BCAS3: variants seen among roughly 807,000 people sequenced by gnomAD.
The protein encoded by BCAS3 is BCAS4/BCAS3 fusion.
Under a neutral mutation model 116.1 loss-of-function variants are expected in BCAS3, and 53 were observed. The observed-to-expected ratio is 0.46, with a 90% CI of 0.37 to 0.57. BCAS3 has a LOEUF of 0.57. Among genes scored for constraint, BCAS3 ranks in the 20% least tolerant of loss-of-function variants. The pLI, the probability that BCAS3 is intolerant of heterozygous loss-of-function variation, is 0.00. For missense variants in BCAS3, 917 were observed against 1,165.4 expected, an observed-to-expected ratio of 0.79 and a Z score of 3.10; for synonymous variants, 391 against 408.2, an observed-to-expected ratio of 0.96 and a Z score of 0.51.
Position 61,083,980 on chromosome 17 carries a change from A to G in BCAS3, c.2328-487A>G, listed in dbSNP as rs971283819. ...TGTTATCCTATGCTTACTGTCAGATATAAAGTAACTTTCATTGAGCATTTT... is the reference window on the plus strand; with the variant it reads ...TGTTATCCTATGCTTACTGTCAGATGTAAAGTAACTTTCATTGAGCATTTT... On this transcript the variant is annotated intron_variant, in intron 21 of 23. Coordinates refer to ENST00000407086, the MANE Select transcript of BCAS3 (RefSeq NM_017679.5). This position sits in a 1 kb window ranked among gnomAD's most constrained non-coding sequence, Gnocchi z 4.9. Among the ~76,000 whole-genome samples, 1 of 152,190 alleles carries G rather than the reference A, an allele frequency of 6.6e-6. No individual in the cohort carries two copies. The highest frequency in any genetic ancestry group is 1.5e-5 in the Non-Finnish European group (1 of 68,030).
At chr17:60,690,324 C>G (rs576899652) in intron 4 of BCAS3, among the ~76,000 whole-genome samples, 18 of 152,240 alleles carry the variant, frequency 1.2e-4, no homozygotes, top group Admixed American at 5.2e-4. Flanking sequence ...AATCCCAGCA[C>G]TTTGGGAGGT....
intron 14 of BCAS3, among the ~76,000 whole-genome samples, chr17:60,976,901 A>T (rs1221537356): frequency 6.6e-6 from 1 of 152,090 alleles, no homozygotes; most frequent in African/African-American, 2.4e-5. Flanking sequence ...CCCCTTTTCT[A>T]TTCGACAAAA....
In BCAS3 at chr17:61,116,214, G is replaced by A. The variant is rs868676423; in HGVS notation, c.2425+31650G>A. Among the ~76,000 whole-genome samples the A allele has an allele frequency of 2.9e-3, 439 of 151,472 alleles. 1 individual carries two copies. Among genetic ancestry groups the A allele is most frequent in the African/African-American group, 8.5e-3 (352 of 41,272 alleles). On this transcript the variant is annotated intron_variant, in intron 22 of 23. Coordinates refer to ENST00000407086, the MANE Select transcript of BCAS3 (RefSeq NM_017679.5). The stretch of plus-strand genomic sequence containing the variant: ...TATGTAACTAACCTGCACAATGTGC[G>A]CATGTACCCTAAAACTTAAAGTATA...
chr17:60,743,972 A>C (rs1003117103), intron 5 of BCAS3, among the ~76,000 whole-genome samples: 1 of 152,198 alleles, frequency 6.6e-6, no homozygotes, highest in African/African-American at 2.4e-5. Flanking sequence ...AGTGTGAACA[A>C]ATCATTCTTT....
intron 22 of BCAS3, among the ~76,000 whole-genome samples, chr17:61,103,535 G>C (rs551144618): frequency 6.6e-6 from 1 of 152,210 alleles, no homozygotes; most frequent in Admixed American, 6.5e-5. Flanking sequence ...TTTAACTTTA[G>C]TTATATTTGT....
rs934879425 is a variant in BCAS3, at chr17:61,037,680, G to C, written c.1763-209G>C. 1.3e-5 allele frequency among the ~76,000 whole-genome samples: 2 copies of C among 152,138 alleles called. No homozygotes were observed. Among genetic ancestry groups the C allele is most frequent in the African/African-American group, 4.8e-5 (2 of 41,408 alleles). On this transcript the variant is annotated intron_variant, in intron 17 of 23. Transcript: ENST00000407086. This position sits in a 1 kb window ranked among gnomAD's most constrained non-coding sequence, Gnocchi z 4.7. ...CCAGCTACTCAAGAGGCTGAGGCGG[G>C]AGAACCATTTGAACCAGGGAGGCGG...
At chr17:60,949,612 A>G (rs1394960902) in intron 14 of BCAS3, among the ~76,000 whole-genome samples, 1 of 152,238 alleles carries the variant, frequency 6.6e-6, no homozygotes, top group East Asian at 1.9e-4. Context: ...AGTTGTACCT[A>G]TTTGTGGGGT....
At chr17:61,055,597 C>T (rs1455730475) in intron 19 of BCAS3, among the ~76,000 whole-genome samples, 1 of 152,140 alleles carries the variant, frequency 6.6e-6, no homozygotes, top group Non-Finnish European at 1.5e-5. Flanking sequence ...CATAGGGCAC[C>T]TTTCTCAGCA....
intron 4 of BCAS3, among the ~76,000 whole-genome samples, chr17:60,701,896 C>T (rs915592701): frequency 1.3e-5 from 2 of 149,068 alleles, no homozygotes; most frequent in Non-Finnish European, 2.9e-5. Context: ...TGCGCTAGAG[C>T]CCAGGAGGTG....
intron 22 of BCAS3, among the ~76,000 whole-genome samples, chr17:61,293,292 A>G (rs1266531132): frequency 2.0e-5 from 3 of 152,194 alleles, no homozygotes; most frequent in African/African-American, 7.2e-5. Context: ...GAAATCGTGC[A>G]GGTTGGAAAT....
chr17:60,966,819 A>AT (rs992846801), intron 14 of BCAS3, among the ~76,000 whole-genome samples: 3 of 151,720 alleles, frequency 2.0e-5, no homozygotes, highest in Non-Finnish European at 4.4e-5. Context: ...TGTCCAGCTA[A>AT]TTTTTTTGTG....
Position 61,265,734 on chromosome 17 carries a change from G to T in BCAS3, c.2426-102593G>T, listed in dbSNP as rs1329013547. On this transcript the variant is annotated intron_variant, in intron 22 of 23. Coordinates refer to ENST00000407086, the MANE Select transcript of BCAS3 (RefSeq NM_017679.5). This position sits in a 1 kb window ranked among gnomAD's most constrained non-coding sequence, Gnocchi z 4.3. ...AAGTAGTATATCTGCCAGGGTTTGT[G>T]TGTGTCATACTGTCCTGGACTCTGT... Among the ~76,000 whole-genome samples the T allele has an allele frequency of 6.6e-6, 1 of 151,946 alleles. No homozygotes were observed.
At position 61,356,797 on chromosome 17, in the gene BCAS3, T is replaced by C. The variant is rs1388797624; in HGVS notation, c.2426-11530T>C. Reference sequence around the variant, plus strand: ...GTTTCTGCCATTTTTCACACACAAGTTGGTGCACATTCCTAATATGAATTA... The same window carrying C: ...GTTTCTGCCATTTTTCACACACAAGCTGGTGCACATTCCTAATATGAATTA... On this transcript the variant is annotated intron_variant, in intron 22 of 23. Transcript: ENST00000407086. The surrounding 1 kb of genome is among the most constrained non-coding windows in gnomAD (Gnocchi z 5.4). The C allele has an allele frequency of 2.6e-5, 4 of 152,250 alleles. 1 individual carries two copies. The highest frequency in any genetic ancestry group is 9.6e-5 in the African/African-American group (4 of 41,468). 9.4% of individuals were successfully genotyped at this position (152,250 alleles called of 1,614,324 possible). A position where few individuals can be genotyped will look rare whatever the true frequency, so the allele number is the denominator to read the frequency against.
At chr17:60,872,264 T>C (rs2144903890) in intron 8 of BCAS3, among the ~76,000 whole-genome samples, 1 of 152,054 alleles carries the variant, frequency 6.6e-6, no homozygotes, top group East Asian at 1.9e-4. Flanking sequence ...TGTATGTGTA[T>C]ATAGTGTGTG....
intron 22 of BCAS3, among the ~76,000 whole-genome samples, chr17:61,329,535 G>A (rs920227762): frequency 5.9e-5 from 9 of 151,704 alleles, no homozygotes; most frequent in South Asian, 2.1e-4. Flanking sequence ...TAGAGACGGG[G>A]TTTCACCGTG....
In BCAS3 at chr17:61,176,561, T is replaced by TTATG. The variant is rs1181746117; in HGVS notation, c.2425+92000_2425+92001insGTAT. On this transcript the variant is annotated intron_variant, in intron 22 of 23. Transcript: ENST00000407086. ...TTTATTTATTTATTTATTTATTTAT[T>TTATG]TATTTATGTATTTAGAGAGATGGTC... 3.3e-3 allele frequency among the ~76,000 whole-genome samples: 458 copies of TTATG among 138,656 alleles called. 4 individuals carry two copies. Among genetic ancestry groups the TTATG allele is most frequent in the African/African-American group, 0.012 (440 of 36,452 alleles). 91.0% of individuals were successfully genotyped at this position (138,656 alleles called of 152,430 possible).
rs868468642 is a variant in BCAS3 at position 61,282,559 on chromosome 17, C to T, written c.2426-85768C>T. ...CTTACTCTTAGACAGATGTGACTTC[C>T]TGTGTCAGCGAGGGAGGCTCCAAGG... On this transcript the variant is annotated intron_variant, in intron 22 of 23. Coordinates refer to ENST00000407086, the MANE Select transcript of BCAS3 (RefSeq NM_017679.5). The surrounding 1 kb of genome is among the most constrained non-coding windows in gnomAD (Gnocchi z 5.9). Among the ~76,000 whole-genome samples the T allele has an allele frequency of 3.4e-4, 52 of 152,296 alleles. No individual in the cohort carries two copies. The highest frequency in any genetic ancestry group is 1.3e-3 in the African/African-American group (52 of 41,562).
rs1254031341 is a variant in BCAS3 at position 60,995,186 on chromosome 17, T to C, written c.1486+4951T>C. On this transcript the variant is annotated intron_variant, in intron 15 of 23. Transcript: ENST00000407086. The surrounding 1 kb of genome is among the most constrained non-coding windows in gnomAD (Gnocchi z 4.7). Reference sequence around the variant, plus strand: ...TCTTTTCTTTTAGACGGAGTCTTGCTCTGTCTCCCAGGCTAGAGTGCAGTG... The same window carrying C: ...TCTTTTCTTTTAGACGGAGTCTTGCCCTGTCTCCCAGGCTAGAGTGCAGTG... 1.3e-5 allele frequency among the ~76,000 whole-genome samples: 2 copies of C among 152,214 alleles called. No individual in the cohort carries two copies. Among genetic ancestry groups the C allele is most frequent in the East Asian group, 1.9e-4 (1 of 5,170 alleles).
At chr17:60,690,742 G>A (rs2034695695) in intron 4 of BCAS3, among the ~76,000 whole-genome samples, 1 of 151,842 alleles carries the variant, frequency 6.6e-6, no homozygotes, top group East Asian at 2.0e-4. Flanking sequence ...CCAACATGGT[G>A]AAACCTCGTC....
Sources: gnomAD v4.1 joint callset for allele counts (sites outside exome capture counted in the v4.1 genomes callset) on GRCh38, gnomAD v4.1.1 for gene constraint, Gnocchi (gnomAD v3.1) non-coding constraint, MANE v1.5 for transcripts, NCBI Gene and HGNC (gene_info 2026-07-23, HGNC 2026-07-21) for gene names.